Variants in PLAAT2 observed in about 807,000 individuals in gnomAD.
PLAAT2 encodes phospholipase A and acyltransferase 2.
PLAAT2 carries 12 observed loss-of-function variants against 12.8 expected under a neutral mutation model. The observed-to-expected ratio is 0.94, with a 90% CI of 0.60 to 1.52. PLAAT2 has a LOEUF of 1.52. PLAAT2 is among the 40% of genes most tolerant of loss of function. The pLI, the probability that PLAAT2 is intolerant of heterozygous loss-of-function variation, is 0.00. For synonymous variants in PLAAT2, 79 were observed against 86.8 expected, an observed-to-expected ratio of 0.91 and a Z score of 0.50; for missense variants, 166 against 208.1, an observed-to-expected ratio of 0.80 and a Z score of 1.24.
Position 63,560,177 on chromosome 11 carries a change from C to T in PLAAT2, c.26G>A (p.Arg9Lys). Residue 9 changes from arginine to lysine, a missense_variant, in exon 2 of 4, where the codon AGA (arginine) becomes AAA (lysine). Transcript: ENST00000255695. ...AGAAATCTCAATCAGGTCTCCAAGT[C>T]TCGGTCTTGGTCTGGCCTGCAACAG... MALARPRP[R>K]LGDLIEISRF... is the part of the protein sequence containing the mutation. The T allele has an allele frequency of 2.5e-6, 4 of 1,613,512 alleles. No individual in the cohort carries two copies. The South Asian group carries it at 3.3e-5, about 13-fold the overall frequency.
intron 3 of PLAAT2, among the ~76,000 whole-genome samples, chr11:63,554,844 C>T (rs2017452597): frequency 6.6e-6 from 1 of 152,112 alleles, no homozygotes; most frequent in Non-Finnish European, 1.5e-5. Context: ...GAAAAAAAAC[C>T]ATTTTATTCA....
chr11:63,553,525 C>T (rs2017437589), intron 3 of PLAAT2, among the ~76,000 whole-genome samples: 1 of 151,832 alleles, frequency 6.6e-6, no homozygotes, highest in African/African-American at 2.4e-5. Context: ...TGGTGCACAC[C>T]TGTAGTCCCA....
chr11:63,559,493 T>G (rs1332312233), intron 2 of PLAAT2, among the ~76,000 whole-genome samples: 1 of 148,316 alleles, frequency 6.7e-6, no homozygotes, highest in East Asian at 2.2e-4. Context: ...GAAAAAGCCC[T>G]TCTCATCTTG....
intron 3 of PLAAT2, among the ~76,000 whole-genome samples, chr11:63,553,361 C>T (rs1242930938): frequency 1.3e-5 from 2 of 151,982 alleles, no homozygotes. Flanking sequence ...CATAATAGGT[C>T]GGGCTCAGTG....
chr11:63,563,830 CA>C (rs1183684835), upstream of PLAAT2, among the ~76,000 whole-genome samples: 1 of 151,858 alleles, frequency 6.6e-6, no homozygotes, highest in Non-Finnish European at 1.5e-5. Context: ...GAAAATCAGC[CA>C]GACAGAAGAG....
At chr11:63,560,528 A>G (rs1449220558) in intron 1 of PLAAT2, among the ~76,000 whole-genome samples, 2 of 152,220 alleles carry the variant, frequency 1.3e-5, no homozygotes, top group Non-Finnish European at 2.9e-5. Context: ...TTTGTCAGCT[A>G]GTGACTGCAT....
Position 63,563,298 on chromosome 11 carries a change from C to A in PLAAT2, c.9+18G>T, listed in dbSNP as rs1217368728. 1.2e-6 allele frequency: 2 copies of A among 1,613,936 alleles called. No individual in the cohort carries two copies. The highest frequency in any genetic ancestry group is 1.7e-6 in the Non-Finnish European group (2 of 1,179,998). On this transcript the variant is annotated intron_variant, in intron 1 of 3. Coordinates refer to ENST00000255695, the MANE Select transcript of PLAAT2 (RefSeq NM_017878.2). ...TGTTCCTCAAATCAAAGCTTTAAAACCGTTTCTGGGGACTTACCAAAGCCA... is the reference window on the plus strand; with the variant it reads ...TGTTCCTCAAATCAAAGCTTTAAAAACGTTTCTGGGGACTTACCAAAGCCA...
upstream of PLAAT2, among the ~76,000 whole-genome samples, chr11:63,564,884 G>C (rs1280239859): frequency 6.6e-6 from 1 of 152,142 alleles, no homozygotes; most frequent in Non-Finnish European, 1.5e-5. Context: ...GCTGTCTGCT[G>C]AAAGGATCTC....
At chr11:63,564,943 G>A (rs1590672967), upstream of PLAAT2, among the ~76,000 whole-genome samples, 1 of 152,148 alleles carries the variant, frequency 6.6e-6, no homozygotes, top group East Asian at 1.9e-4. Context: ...CGGAGTTGGG[G>A]AGGAACATCA....
chr11:63,555,129 A>G (rs1271183838), intron 3 of PLAAT2, among the ~76,000 whole-genome samples: 1 of 152,210 alleles, frequency 6.6e-6, no homozygotes, highest in South Asian at 2.1e-4. Context: ...GGCAATTATC[A>G]AAGTTAGGAT....
At chr11:63,553,188 G>A (rs2017433903) in intron 3 of PLAAT2, 123 bp from the exon 4 acceptor site, 2 of 623,558 alleles carry the variant, frequency 3.2e-6, no homozygotes, top group South Asian at 2.0e-5. Flanking sequence ...ATCACAGAGG[G>A]AACAAATATT....
chr11:63,557,204 C>T (rs1186852206), intron 3 of PLAAT2, among the ~76,000 whole-genome samples: 1 of 152,120 alleles, frequency 6.6e-6, no homozygotes, highest in African/African-American at 2.4e-5. Flanking sequence ...TGTTTGATGT[C>T]ATCTAAGAAT....
intron 3 of PLAAT2, 110 bp downstream of exon 3, chr11:63,558,282 G>T: frequency 5.9e-6 from 7 of 1,193,318 alleles, no homozygotes; most frequent in Admixed American, 2.0e-5. Context: ...CTGCTATTTT[G>T]TCTTGCTCAT....
chr11:63,552,971 C>A lies in PLAAT2; in HGVS notation c.482G>T (p.Arg161Met). 6.2e-7 allele frequency: 1 copy of A among 1,612,116 alleles called. No homozygotes were observed. Among genetic ancestry groups the A allele is most frequent in the East Asian group, 2.2e-5 (1 of 44,858 alleles). ...TGGGACAATTTCTTGGATTTATTGC[C>A]TTTCCCGCTTGCTTCTGGCCAGCAG... is the stretch of plus-strand genomic sequence containing the variant. ...GILLARSKRE[R>M]Q Residue 161 changes from arginine (R) to methionine (M), a missense_variant, in exon 4 of 4, where the codon AGG becomes ATG. Coordinates refer to ENST00000255695, the MANE Select transcript of PLAAT2 (RefSeq NM_017878.2).
At chr11:63,560,423 C>T (rs1022371466) in intron 1 of PLAAT2, among the ~76,000 whole-genome samples, 1 of 152,180 alleles carries the variant, frequency 6.6e-6, no homozygotes, top group Non-Finnish European at 1.5e-5. Flanking sequence ...AAGAGAGTAT[C>T]TTTGAGGGAG....
chr11:63,553,070 A>C lies in PLAAT2; in HGVS notation c.388-5T>G. The stretch of plus-strand genomic sequence containing the variant: ...TGTCGTGACTGCACCAGTGACCTGC[A>C]GCAGAAGAGAAGGGAGAGCACACTC... On this transcript the variant is annotated splice_region_variant and splice_polypyrimidine_tract_variant and intron_variant, in intron 3 of 3. Coordinates refer to ENST00000255695, the MANE Select transcript of PLAAT2 (RefSeq NM_017878.2). 6.2e-7 allele frequency: 1 copy of C among 1,602,752 alleles called. No homozygotes were observed. The highest frequency in any genetic ancestry group is 8.5e-7 in the Non-Finnish European group (1 of 1,170,696).
intron 1 of PLAAT2, among the ~76,000 whole-genome samples, chr11:63,562,952 G>A (rs2017531409): frequency 6.6e-6 from 1 of 152,218 alleles, no homozygotes; most frequent in Admixed American, 6.5e-5. Flanking sequence ...TGATGTGACA[G>A]AGGAGGCGGC....
intron 2 of PLAAT2, among the ~76,000 whole-genome samples, chr11:63,559,842 C>T (rs568785817): frequency 9.9e-5 from 15 of 152,278 alleles, no homozygotes; most frequent in African/African-American, 3.6e-4. Flanking sequence ...TCACCAAGTA[C>T]AGTGAGTTGG....
At chr11:63,561,866 CA>C (rs910817311) in intron 1 of PLAAT2, among the ~76,000 whole-genome samples, 46 of 149,256 alleles carry the variant, frequency 3.1e-4, no homozygotes, top group Admixed American at 4.7e-4. Context: ...ATTTGAGCAT[CA>C]AAAAAAAATA....
Sources: allele counts gnomAD v4.1 joint callset (sites outside exome capture counted in the v4.1 genomes callset), GRCh38; gene constraint gnomAD v4.1.1; transcripts MANE v1.5; gene names NCBI Gene and HGNC (gene_info 2026-07-23, HGNC 2026-07-21).